The following CAMTA1 variants were observed in gnomAD, a reference collection of about 807,000 sequenced individuals.
CAMTA1 encodes calmodulin binding transcription activator 1, also known as calmodulin-binding transcription activator 1.
In CAMTA1, 27 loss-of-function variants were observed where a neutral mutation model predicts 170.9. The observed-to-expected ratio is 0.16, with a 90% CI of 0.12 to 0.22. The LOEUF (loss-of-function observed/expected upper bound fraction) is 0.22. Among genes scored for constraint, CAMTA1 ranks in the 10% least tolerant of loss-of-function variants. CAMTA1 has a pLI of 1.00. For synonymous variants in CAMTA1, 833 were observed against 891.5 expected (o/e 0.93, Z 1.17); for missense variants, 1,619 against 2,217.2 (o/e 0.73, Z 5.42).
At chr1:7,441,206 G>A (rs1434445283) in intron 5 of CAMTA1, 1 of 152,122 alleles carries the variant, frequency 6.6e-6, no homozygotes, top group Non-Finnish European at 1.5e-5. Context: ...TGAAAACATG[G>A]TGTAATATTG....
At chr1:7,434,175 G>C (rs2092273609) in intron 5 of CAMTA1, among the ~76,000 whole-genome samples, 1 of 152,128 alleles carries the variant, frequency 6.6e-6, no homozygotes, top group Non-Finnish European at 1.5e-5. Flanking sequence ...AAAGGAGGAG[G>C]CTGGCCCTCT....
chr1:7,416,286 C>T (rs2149286857), intron 5 of CAMTA1, among the ~76,000 whole-genome samples: 1 of 152,134 alleles, frequency 6.6e-6, no homozygotes, highest in East Asian at 1.9e-4. Flanking sequence ...CTCTGTATTT[C>T]CTGAATCTGA....
chr1:7,385,533 G>A (rs1399826828), intron 5 of CAMTA1, among the ~76,000 whole-genome samples: 1 of 152,180 alleles, frequency 6.6e-6, no homozygotes, highest in Non-Finnish European at 1.5e-5. Flanking sequence ...GAAGTGATGG[G>A]AGCCAGACAG....
chr1:7,708,137 C>A (rs1033528966), intron 11 of CAMTA1, among the ~76,000 whole-genome samples: 3 of 149,572 alleles, frequency 2.0e-5, no homozygotes, highest in Non-Finnish European at 3.0e-5. Flanking sequence ...TCAAGACCAG[C>A]CTGGGCAACA....
chr1:7,247,565 C>T lies in CAMTA1; in HGVS notation c.303-1926C>T, dbSNP rs184811678. Reference sequence around the variant, plus strand: ...GAAAACCCATCCACAGAAGAAGACCCGGCATTGCCACACTCTCATGAGTGT... The same window carrying T: ...GAAAACCCATCCACAGAAGAAGACCTGGCATTGCCACACTCTCATGAGTGT... On this transcript the variant is annotated intron_variant, in intron 4 of 22. Transcript: ENST00000303635. Among the ~76,000 whole-genome samples the T allele has an allele frequency of 5.8e-4, 89 of 152,202 alleles. 1 individual carries two copies. The highest frequency in any genetic ancestry group is 2.0e-3 in the African/African-American group (82 of 41,540).
At chr1:7,391,462 A>C (rs950199900) in intron 5 of CAMTA1, among the ~76,000 whole-genome samples, 1 of 152,128 alleles carries the variant, frequency 6.6e-6, no homozygotes, top group Non-Finnish European at 1.5e-5. Flanking sequence ...GGCCCAGGTC[A>C]TATGGCTAAG....
Position 7,007,317 on chromosome 1 carries a change from G to C in CAMTA1, c.235-83987G>C, listed in dbSNP as rs1209207429. On this transcript the variant is annotated intron_variant, in intron 3 of 22. Coordinates refer to ENST00000303635, the MANE Select transcript of CAMTA1 (RefSeq NM_015215.4). This position sits in a 1 kb window ranked among gnomAD's most constrained non-coding sequence, Gnocchi z 4.5. Reference sequence around the variant, plus strand: ...ACTAAAGCTGAGGCCAGATAGAGGAGACTTGGAAGTGAGGGACCCGAAAAT... The same window carrying C: ...ACTAAAGCTGAGGCCAGATAGAGGACACTTGGAAGTGAGGGACCCGAAAAT... Among the ~76,000 whole-genome samples the C allele has an allele frequency of 6.6e-6, 1 of 152,208 alleles. No individual in the cohort carries two copies. The highest frequency in any genetic ancestry group is 1.5e-5 in the Non-Finnish European group (1 of 68,044).
chr1:7,024,265 A>C (rs1367869181), intron 3 of CAMTA1, among the ~76,000 whole-genome samples: 1 of 152,216 alleles, frequency 6.6e-6, no homozygotes, highest in Non-Finnish European at 1.5e-5. Flanking sequence ...TTCCTACTGA[A>C]AATGAACATG....
intron 5 of CAMTA1, among the ~76,000 whole-genome samples, chr1:7,310,637 TTTC>T (rs1676379068): frequency 1.2e-4 from 3 of 24,102 alleles, no homozygotes; most frequent in African/African-American, 5.3e-4. Context: ...TCTTTCTTTC[TTTC>T]TTTCTTTTTT....
Position 7,044,292 on chromosome 1 carries a change from G to T in CAMTA1, c.235-47012G>T, listed in dbSNP as rs1436880721. Among the ~76,000 whole-genome samples, 1 of 152,196 alleles carries T rather than the reference G, an allele frequency of 6.6e-6. No homozygotes were observed. Among genetic ancestry groups the T allele is most frequent in the East Asian group, 1.9e-4 (1 of 5,192 alleles). On this transcript the variant is annotated intron_variant, in intron 3 of 22. Coordinates refer to ENST00000303635, the MANE Select transcript of CAMTA1 (RefSeq NM_015215.4). The surrounding 1 kb of genome is among the most constrained non-coding windows in gnomAD (Gnocchi z 5.0). ...CAAGGGTCTCACCCAGACTAGACGG[G>T]AATGGGGGAGACCCAGAGAGACGCA... is the stretch of plus-strand genomic sequence containing the variant.
intron 3 of CAMTA1, among the ~76,000 whole-genome samples, chr1:6,925,989 A>G (rs1016171370): frequency 2.0e-5 from 3 of 152,166 alleles, no homozygotes; most frequent in Non-Finnish European, 4.4e-5. Flanking sequence ...TATCATGTCC[A>G]TAATCTAAGT....
At chr1:7,610,172 A>G (rs1223663025) in intron 6 of CAMTA1, among the ~76,000 whole-genome samples, 2 of 152,220 alleles carry the variant, frequency 1.3e-5, no homozygotes, top group African/African-American at 4.8e-5. Context: ...TGGCAGTGGC[A>G]GCAGCCAAAC....
chr1:7,492,668 A>AACACACAC lies in CAMTA1; in HGVS notation c.510+24773_510+24780dup, dbSNP rs70984088. ...ACAATCACACAAACACAAACATACG[A>AACACACAC]ACACACACACACAAACACAAACCTA... On this transcript the variant is annotated intron_variant, in intron 6 of 22. Transcript: ENST00000303635. 5.0e-3 allele frequency among the ~76,000 whole-genome samples: 276 copies of AACACACAC among 54,846 alleles called. 4 individuals are homozygous for AACACACAC. The highest frequency in any genetic ancestry group is 0.027 in the African/African-American group (267 of 9,842). 36.0% of individuals were successfully genotyped at this position (54,846 alleles called of 152,430 possible).
In CAMTA1 at chr1:7,665,099, TG is replaced by T; in HGVS notation, c.2554del (p.Val852SerfsTer10). ...ATGGCCTACATGCACGTCGCCGAGG[TG>T]GTCTCGGCCGCCTCGGCCCAGGGCA... ...STMAYMHVAE[V>X]VSAASAQGTL... is the part of the protein sequence containing the mutation. On this transcript the variant is annotated frameshift_variant, in exon 9 of 23. Transcript: ENST00000303635. LOFTEE classifies it high-confidence loss of function. This position sits in a 1 kb window ranked among gnomAD's most constrained non-coding sequence, Gnocchi z 4.3. 6.5e-7 allele frequency: 1 copy of T among 1,537,884 alleles called. No individual in the cohort carries two copies.
chr1:6,869,242 G>A (rs1667687137), intron 3 of CAMTA1, among the ~76,000 whole-genome samples: 1 of 152,232 alleles, frequency 6.6e-6, no homozygotes, highest in Admixed American at 6.5e-5. Context: ...CTGGCGCCTG[G>A]GAGTGGGGCA....
At chr1:7,168,481 C>A (rs1278869353) in intron 4 of CAMTA1, among the ~76,000 whole-genome samples, 1 of 152,212 alleles carries the variant, frequency 6.6e-6, no homozygotes, top group African/African-American at 2.4e-5. Flanking sequence ...CGGCTCGCTG[C>A]AACCTCTGCC....
chr1:7,490,733 GT>G (rs2093691256), intron 6 of CAMTA1, among the ~76,000 whole-genome samples: 4 of 152,136 alleles, frequency 2.6e-5, no homozygotes, highest in African/African-American at 9.7e-5. Flanking sequence ...GCCACCGTGC[GT>G]TACCTTTTGA....
At chr1:7,012,920 G>A (rs979429288) in intron 3 of CAMTA1, among the ~76,000 whole-genome samples, 1 of 152,088 alleles carries the variant, frequency 6.6e-6, no homozygotes, top group Non-Finnish European at 1.5e-5. Flanking sequence ...CACTTGTCTC[G>A]GGTATAGAAC....
At chr1:7,288,305 G>T (rs750983335) in intron 5 of CAMTA1, among the ~76,000 whole-genome samples, 2 of 152,204 alleles carry the variant, frequency 1.3e-5, no homozygotes, top group Admixed American at 6.5e-5. Flanking sequence ...ACAGGAAGGG[G>T]TTGCTTTTTG....
Sources: allele counts gnomAD v4.1 joint callset (sites outside exome capture counted in the v4.1 genomes callset), GRCh38; gene constraint gnomAD v4.1.1; non-coding constraint Gnocchi (gnomAD v3.1); transcripts MANE v1.5; gene names NCBI Gene and HGNC (gene_info 2026-07-23, HGNC 2026-07-21).